The following CYTH4 variants were observed in gnomAD, a reference collection of about 807,000 sequenced individuals.
CYTH4 encodes the protein cytohesin-4.
CYTH4 carries 22 observed loss-of-function variants against 57.5 expected under a neutral mutation model. That is an observed-to-expected ratio of 0.38 (90% CI 0.27 to 0.55). CYTH4 has a LOEUF of 0.55. Among genes scored for constraint, CYTH4 ranks in the 20% least tolerant of loss-of-function variants. CYTH4 has a pLI of 0.74. For synonymous variants in CYTH4, 186 were observed against 206.5 expected (o/e 0.90, Z 0.85); for missense variants, 420 against 535.6 (o/e 0.78, Z 2.13).
chr22:37,301,402 A>G (rs1443385301), intron 7 of CYTH4, among the ~76,000 whole-genome samples: 1 of 152,166 alleles, frequency 6.6e-6, no homozygotes, highest in Non-Finnish European at 1.5e-5. Context: ...CCTTTTTGGC[A>G]GGAGTTTCAG....
chr22:37,285,373 T>TGGC (rs1928516638), intron 1 of CYTH4, among the ~76,000 whole-genome samples: 2 of 152,002 alleles, frequency 1.3e-5, no homozygotes, highest in Admixed American at 6.6e-5. Context: ...GTGGTGGTGG[T>TGGC]AATTTTATTA....
chr22:37,293,192 C>T (rs1028771465), intron 2 of CYTH4, among the ~76,000 whole-genome samples: 1 of 152,270 alleles, frequency 6.6e-6, no homozygotes, highest in African/African-American at 2.4e-5. Flanking sequence ...TGGGCCTTTG[C>T]ACTCGCAGTC....
At chr22:37,308,928 G>C (rs1369429709) in intron 8 of CYTH4, among the ~76,000 whole-genome samples, 2 of 152,160 alleles carry the variant, frequency 1.3e-5, no homozygotes, top group African/African-American at 4.8e-5. Context: ...ATGTGTGTTT[G>C]AGGGGCTGAC....
At chr22:37,306,916 T>C (rs1601709086) in intron 8 of CYTH4, among the ~76,000 whole-genome samples, 1 of 152,206 alleles carries the variant, frequency 6.6e-6, no homozygotes, top group Admixed American at 6.5e-5. Flanking sequence ...GCTAGCAGGA[T>C]GAAATGCTCT....
At chr22:37,289,833 G>T (rs1928688036) in intron 1 of CYTH4, among the ~76,000 whole-genome samples, 1 of 152,160 alleles carries the variant, frequency 6.6e-6, no homozygotes, top group South Asian at 2.1e-4. Context: ...ATAATTCTCT[G>T]CTAGAAGGAA....
In CYTH4 at chr22:37,292,711, C is replaced by T; in HGVS notation, c.102+8C>T. Reference sequence around the variant, plus strand: ...CTCCTGGAGGACATCCAGGTGAGTGCACACTCGTGTCCACACACGTGTCCA... The same window carrying T: ...CTCCTGGAGGACATCCAGGTGAGTGTACACTCGTGTCCACACACGTGTCCA... On this transcript the variant is annotated splice_region_variant and intron_variant, in intron 2 of 12. Transcript: ENST00000248901. 2.5e-6 allele frequency: 4 copies of T among 1,612,826 alleles called. No individual in the cohort carries two copies. Among genetic ancestry groups the T allele is most frequent in the Non-Finnish European group, 3.4e-6 (4 of 1,179,528 alleles).
chr22:37,293,686 G>A (rs994481249), intron 2 of CYTH4, among the ~76,000 whole-genome samples: 1 of 152,198 alleles, frequency 6.6e-6, no homozygotes, highest in Non-Finnish European at 1.5e-5. Flanking sequence ...ATCCTGGGGA[G>A]AAAGGGGCTG....
chr22:37,311,015 G>A lies in CYTH4; in HGVS notation c.836G>A (p.Arg279His), dbSNP rs770713425. Residue 279 changes from arginine (R) to histidine (H), a missense_variant, in exon 10 of 13, where the codon CGC (arginine) becomes CAC (histidine). Coordinates refer to ENST00000248901, the MANE Select transcript of CYTH4 (RefSeq NM_013385.5). This position sits in a 1 kb window ranked among gnomAD's most constrained non-coding sequence, Gnocchi z 4.4. ...GGCCGCGTGAAGACGTGGAAACGGCGCTGGTTCATCCTGACCGACAACTGC... is the reference window on the plus strand; with the variant it reads ...GGCCGCGTGAAGACGTGGAAACGGCACTGGTTCATCCTGACCGACAACTGC... ...LGGRVKTWKRRWFILTDNCLY... is the reference protein window; with the variant it reads ...LGGRVKTWKRHWFILTDNCLY... 1.2e-6 allele frequency: 2 copies of A among 1,614,062 alleles called. No individual in the cohort carries two copies. Among genetic ancestry groups the A allele is most frequent in the East Asian group, 2.2e-5 (1 of 44,896 alleles).
At chr22:37,299,798 C>T (rs985794392) in intron 6 of CYTH4, among the ~76,000 whole-genome samples, 3 of 152,150 alleles carry the variant, frequency 2.0e-5, no homozygotes, top group Admixed American at 6.5e-5. Context: ...TGCTCACCCC[C>T]GTGTGACCTT....
intron 9 of CYTH4, 101 bp from the exon 10 acceptor site, chr22:37,310,886 TG>T: frequency 7.8e-7 from 1 of 1,274,196 alleles, no homozygotes; most frequent in Non-Finnish European, 1.1e-6. Context: ...GGCACTCAGC[TG>T]GGGGTCCAGG....
chr22:37,313,341 C>A, intron 12 of CYTH4, 98 bp from the exon 13 acceptor site: 1 of 1,248,536 alleles, frequency 8.0e-7, no homozygotes, highest in Non-Finnish European at 1.2e-6. Flanking sequence ...CAGGCTGACA[C>A]CTCCCTGGGA....
At position 37,295,398 on chromosome 22, in the gene CYTH4, A is replaced by G. The variant is rs778551216; in HGVS notation, c.168-601A>G. 5.9e-5 allele frequency among the ~76,000 whole-genome samples: 8 copies of G among 135,124 alleles called. No individual in the cohort carries two copies. Among genetic ancestry groups the G allele is most frequent in the African/African-American group, 1.1e-4 (3 of 26,640 alleles). The allele number at this position is 135,124 out of a possible 152,430, so 88.6% of individuals were successfully genotyped here. On this transcript the variant is annotated intron_variant, in intron 3 of 12. Coordinates refer to ENST00000248901, the MANE Select transcript of CYTH4 (RefSeq NM_013385.5). The surrounding 1 kb of genome is among the most constrained non-coding windows in gnomAD (Gnocchi z 4.1). The stretch of plus-strand genomic sequence containing the variant: ...CACATGCACACACACACACGCATGC[A>G]CACACACACAAGCATGCACACACAC...
rs772685051 is a variant in CYTH4 at position 37,302,327 on chromosome 22, A to G, written c.548-927A>G. Among the ~76,000 whole-genome samples, 3 of 152,248 alleles carry G rather than the reference A, an allele frequency of 2.0e-5. No individual in the cohort carries two copies. The East Asian group carries it at 5.8e-4, about 29-fold the overall frequency. ...TTGTAGGTAGGAAAGAAGGCATCTT[A>G]AAGCACCAGATTTGAATCACGGTCC... On this transcript the variant is annotated intron_variant, in intron 7 of 12. Coordinates refer to ENST00000248901, the MANE Select transcript of CYTH4 (RefSeq NM_013385.5).
intron 8 of CYTH4, among the ~76,000 whole-genome samples, chr22:37,306,176 G>A (rs1929385368): frequency 6.6e-6 from 1 of 152,198 alleles, no homozygotes; most frequent in Non-Finnish European, 1.5e-5. Flanking sequence ...CACCCACCCT[G>A]AGGGCTGTGG....
chr22:37,311,085 C>T lies in CYTH4; in HGVS notation c.885+21C>T, dbSNP rs751633533. ...CCACTGTGAGCAGGGTTCTCCTGGG[C>T]CTTCCCCTGCCCCCGCCTCTCCCCG... On this transcript the variant is annotated intron_variant, in intron 10 of 12. Coordinates refer to ENST00000248901, the MANE Select transcript of CYTH4 (RefSeq NM_013385.5). The surrounding 1 kb of genome is among the most constrained non-coding windows in gnomAD (Gnocchi z 4.4). 5.0e-6 allele frequency: 8 copies of T among 1,611,778 alleles called. No homozygotes were observed. In the East Asian group the frequency reaches 1.3e-4, roughly 27 times the overall value.
intron 8 of CYTH4, among the ~76,000 whole-genome samples, chr22:37,307,303 G>C (rs970062894): frequency 1.3e-5 from 2 of 152,240 alleles, no homozygotes; most frequent in Non-Finnish European, 2.9e-5. Flanking sequence ...CCCCCTGTGG[G>C]TTTTGTGGCA....
At chr22:37,292,527 C>G (rs1042260558) in intron 1 of CYTH4, 94 bp from the exon 2 acceptor site, 152 of 1,330,110 alleles carry the variant, frequency 1.1e-4, no homozygotes, top group Non-Finnish European at 1.6e-4. Context: ...AGGGCAAGTC[C>G]TGGGTTTCCG....
intron 1 of CYTH4, among the ~76,000 whole-genome samples, chr22:37,284,259 T>G (rs914952229): frequency 6.6e-6 from 1 of 152,118 alleles, no homozygotes; most frequent in African/African-American, 2.4e-5. Flanking sequence ...GACCTTCCAG[T>G]GTGCTATGCA....
intron 1 of CYTH4, among the ~76,000 whole-genome samples, chr22:37,285,793 T>TC (rs966271886): frequency 5.3e-5 from 8 of 152,170 alleles, no homozygotes; most frequent in African/African-American, 1.9e-4. Context: ...AGGAATCTCC[T>TC]CTTTTTAACA....
Sources: gnomAD v4.1 joint callset for allele counts (sites outside exome capture counted in the v4.1 genomes callset) on GRCh38, gnomAD v4.1.1 for gene constraint, Gnocchi (gnomAD v3.1) non-coding constraint, MANE v1.5 for transcripts, NCBI Gene and HGNC (gene_info 2026-07-23, HGNC 2026-07-21) for gene names.